MAP3K19: variants seen among roughly 807,000 people sequenced by gnomAD.
MAP3K19 encodes the protein mitogen-activated protein kinase kinase kinase 19.
A neutral mutation model predicts 114.4 loss-of-function variants in MAP3K19; 91 were observed. The observed-to-expected ratio is 0.80, with a 90% CI of 0.67 to 0.95. The LOEUF is 0.95. Ranked by LOEUF, MAP3K19 falls within the 40% of genes least tolerant of loss-of-function variation. The pLI is 0.00. For synonymous variants in MAP3K19, 518 were observed against 530.5 expected, an observed-to-expected ratio of 0.98 and a Z score of 0.32; for missense variants, 1,471 against 1,573.2, an observed-to-expected ratio of 0.94 and a Z score of 1.10.
At chr2:135,018,825 T>G (rs1284021760) in intron 5 of MAP3K19, among the ~76,000 whole-genome samples, 1 of 152,120 alleles carries the variant, frequency 6.6e-6, no homozygotes, top group Non-Finnish European at 1.5e-5. Flanking sequence ...CGGCTCACAC[T>G]TATAACCCCA....
At chr2:134,977,597 C>T (rs1336630895) in intron 12 of MAP3K19, among the ~76,000 whole-genome samples, 1 of 151,950 alleles carries the variant, frequency 6.6e-6, no homozygotes, top group African/African-American at 2.4e-5. Flanking sequence ...CTCCTGACCT[C>T]GTGATCCGCC....
rs1469763139 is a variant in MAP3K19 at position 135,033,660 on chromosome 2, C to T, written c.-283-3160G>A. On this transcript the variant is annotated intron_variant, in intron 2 of 12. Transcript: ENST00000392915. ...CCCAGCAGGGGTGGCTGGGCAGAGG[C>T]GCCCCCCACCCCCCGGACGGGCGGC... 1.9e-3 allele frequency among the ~76,000 whole-genome samples: 15 copies of T among 8,000 alleles called. 2 individuals are homozygous for T. Among genetic ancestry groups the T allele is most frequent in the Non-Finnish European group, 4.0e-4 (2 of 4,968 alleles). The allele number at this position is 8,000 out of a possible 152,430, so 5.2% of individuals were successfully genotyped here. A position where few individuals can be genotyped will look rare whatever the true frequency, so the allele number is the denominator to read the frequency against.
intron 5 of MAP3K19, among the ~76,000 whole-genome samples, chr2:135,018,288 A>AG (rs1257859080): frequency 2.9e-4 from 44 of 151,318 alleles, no homozygotes; most frequent in African/African-American, 1.1e-3. Flanking sequence ...CAGCAAAAAA[A>AG]AAAAAAAAAA....
chr2:135,030,862 T>C (rs1688362840), intron 2 of MAP3K19, among the ~76,000 whole-genome samples: 1 of 152,112 alleles, frequency 6.6e-6, no homozygotes, highest in Admixed American at 6.6e-5. Context: ...TTCAAGGCCA[T>C]CATGCACTAT....
At chr2:135,025,526 C>T (rs1179105729) in intron 3 of MAP3K19, among the ~76,000 whole-genome samples, 1 of 151,942 alleles carries the variant, frequency 6.6e-6, no homozygotes, top group Non-Finnish European at 1.5e-5. Flanking sequence ...GCTGGGACTA[C>T]AGGGGCCCGC....
chr2:134,989,593 T>C (rs930934553), intron 9 of MAP3K19, among the ~76,000 whole-genome samples: 1 of 152,180 alleles, frequency 6.6e-6, no homozygotes, highest in Middle Eastern at 3.2e-3. Context: ...TAAACTCCTT[T>C]TACAATGCTA....
In MAP3K19 at chr2:135,043,225, A is replaced by G. The variant is rs79940495; in HGVS notation, c.-423-2723T>C. Among the ~76,000 whole-genome samples, 1,058 of 152,338 alleles carry G rather than the reference A, an allele frequency of 6.9e-3. 12 individuals carry two copies. Among genetic ancestry groups the G allele is most frequent in the African/African-American group, 0.024 (991 of 41,572 alleles). On this transcript the variant is annotated intron_variant, in intron 1 of 12. Coordinates refer to ENST00000392915, the MANE Select transcript of MAP3K19 (RefSeq NM_025052.5). ...CTACTGGGCAGGTGATTCCTTTTAC[A>G]GAAAGACAATAGATGAGGTCAGCAG...
At position 134,986,780 on chromosome 2, in the gene MAP3K19, T is replaced by C. The variant is rs1306706251; in HGVS notation, c.2092A>G (p.Thr698Ala). ...CTGTGTGAAGATCGACATTTATTGG[T>C]GATACGTCTGCCTGATGGAGCCGAA... ...ICSAPSGRRI[T>A]NKCRSSHSER... The change falls in exon 10 of 13, where the codon ACC becomes GCC. Residue 698 changes from threonine to alanine, a missense_variant. Transcript: ENST00000392915. 3.1e-6 allele frequency: 5 copies of C among 1,614,096 alleles called. No homozygotes were observed. The East Asian group carries it at 6.7e-5, about 22-fold the overall frequency.
At chr2:134,973,697 C>A (rs1453375691) in intron 12 of MAP3K19, among the ~76,000 whole-genome samples, 1 of 151,854 alleles carries the variant, frequency 6.6e-6, no homozygotes, top group Non-Finnish European at 1.5e-5. Context: ...TGTTATTTAT[C>A]ATTGTGGTTT....
intron 12 of MAP3K19, among the ~76,000 whole-genome samples, chr2:134,979,059 T>C (rs1167597127): frequency 2.0e-5 from 3 of 152,224 alleles, no homozygotes; most frequent in African/African-American, 7.2e-5. Context: ...TGCCTGATTA[T>C]CTCTATTTCT....
intron 1 of MAP3K19, among the ~76,000 whole-genome samples, chr2:135,045,033 G>T (rs1193382641): frequency 1.3e-5 from 2 of 152,104 alleles, no homozygotes; most frequent in East Asian, 3.9e-4. Context: ...CATCTAAGTT[G>T]TCCACTCCAC....
chr2:135,023,325 C>T (rs779498617), intron 4 of MAP3K19: 3 of 429,586 alleles, frequency 7.0e-6, no homozygotes, highest in Non-Finnish European at 1.5e-5. Context: ...GTCCCCACCG[C>T]TCCTCTCTAT....
rs1314490740 is a variant in MAP3K19 at position 135,033,599 on chromosome 2, A to C, written c.-283-3099T>G. 6.4e-5 allele frequency among the ~76,000 whole-genome samples: 5 copies of C among 77,944 alleles called. 1 individual carries two copies. Among genetic ancestry groups the C allele is most frequent in the East Asian group, 5.1e-4 (1 of 1,980 alleles). The allele number at this position is 77,944 out of a possible 152,430, so 51.1% of individuals were successfully genotyped here. On this transcript the variant is annotated intron_variant, in intron 2 of 12. Coordinates refer to ENST00000392915, the MANE Select transcript of MAP3K19 (RefSeq NM_025052.5). ...GCTGACCCCCCCACCGCCCTCCCAG[A>C]CGGGGCGGCTGGCCGGGCAGAGGGG...
At position 134,986,596 on chromosome 2, in the gene MAP3K19, C is replaced by T. The variant is rs758473247; in HGVS notation, c.2276G>A (p.Gly759Asp). Residue 759 changes from glycine (G) to aspartate (D), a missense_variant, in exon 10 of 13, where the codon GGT (glycine) becomes GAT (aspartate). Gly to Asp is a moderately conservative substitution (Grantham distance 94). Transcript: ENST00000392915. ...VHSNLHDIEN[G>D]DGISEPDWQI... ...CCAGTCTGGTTCTGAAATACCATCA[C>T]CATTTTCAATGTCATGTAGGTTGCT... is the stretch of plus-strand genomic sequence containing the variant. The T allele has an allele frequency of 4.3e-6, 7 of 1,614,040 alleles. No individual in the cohort carries two copies. Among genetic ancestry groups the T allele is most frequent in the East Asian group, 2.2e-5 (1 of 44,894 alleles).
At chr2:135,036,695 A>T (rs1688538329) in intron 2 of MAP3K19, among the ~76,000 whole-genome samples, 1 of 150,636 alleles carries the variant, frequency 6.6e-6, no homozygotes, top group African/African-American at 2.5e-5. Context: ...TGTGCTTGAG[A>T]ATCAGGGGCC....
At chr2:134,983,883 G>A in intron 10 of MAP3K19, 58 bp from the exon 11 acceptor site, 1 of 1,213,882 alleles carries the variant, frequency 8.2e-7, no homozygotes, top group Non-Finnish European at 1.1e-6. Flanking sequence ...GGGATGGAGA[G>A]AAAGGGGTGA....
intron 5 of MAP3K19, among the ~76,000 whole-genome samples, chr2:135,019,659 AT>A (rs1272385891): frequency 7.2e-5 from 11 of 152,036 alleles, no homozygotes; most frequent in African/African-American, 2.4e-4. Context: ...CTCAAAATAA[AT>A]AAAAAATTTT....
chr2:134,976,774 C>T (rs1559139284), intron 12 of MAP3K19, among the ~76,000 whole-genome samples: 1 of 151,234 alleles, frequency 6.6e-6, no homozygotes, highest in Non-Finnish European at 1.5e-5. Flanking sequence ...CAGCAAGGCA[C>T]AGTGGCTCAC....
At chr2:134,974,147 A>G (rs1482471910) in intron 12 of MAP3K19, among the ~76,000 whole-genome samples, 7 of 152,044 alleles carry the variant, frequency 4.6e-5, no homozygotes, top group Admixed American at 3.3e-4. Context: ...GATTACAGGC[A>G]TGTACCACCA....
Sources: allele counts gnomAD v4.1 joint callset (sites outside exome capture counted in the v4.1 genomes callset), GRCh38; gene constraint gnomAD v4.1.1; transcripts MANE v1.5; gene names NCBI Gene and HGNC (gene_info 2026-07-23, HGNC 2026-07-21).